The following VEZT variants were observed in gnomAD, a reference collection of about 807,000 sequenced individuals.
VEZT encodes the protein vezatin, adherens junctions transmembrane protein.
In VEZT, 39 loss-of-function variants were observed where a neutral mutation model predicts 79.9. The ratio of observed to expected loss-of-function variants is 0.49; its 90% CI spans 0.38 to 0.64. The LOEUF is 0.64. VEZT is among the 30% of genes least tolerant of loss of function. The pLI is 0.00. For missense variants in VEZT, 837 were observed against 893.1 expected (o/e 0.94, Z 0.80); for synonymous variants, 325 against 327.6 (o/e 0.99, Z 0.09).
Position 95,262,964 on chromosome 12 carries a change from A to T in VEZT, c.317A>T (p.Gln106Leu). The part of the protein sequence containing the change: ...HTILQQEVLL[Q>L]EDVELIELLD... ...ATCCTGCAACAGGAAGTCCTGTTAC[A>T]AGAGGATGTGGAGCTGATTGAGCTA... The change falls in exon 4 of 12, where the codon CAA (glutamine) becomes CTA (leucine). Residue 106 changes from glutamine to leucine, a missense_variant. Gln to Leu is a moderately radical substitution (Grantham distance 113). Coordinates refer to ENST00000436874, the MANE Select transcript of VEZT (RefSeq NM_017599.4). 6.2e-7 allele frequency: 1 copy of T among 1,612,968 alleles called. No homozygotes were observed. The highest frequency in any genetic ancestry group is 8.5e-7 in the Non-Finnish European group (1 of 1,179,110).
At position 95,274,417 on chromosome 12, in the gene VEZT, G is replaced by A. The variant is rs147625297; in HGVS notation, c.849-325G>A. Among the ~76,000 whole-genome samples the A allele has an allele frequency of 6.7e-3, 1,018 of 152,238 alleles. 3 individuals carry two copies. The highest frequency in any genetic ancestry group is 0.014 in the Middle Eastern group (4 of 294). ...AAAGGCCGAGGTTGCAGTGAGCCGGGTTGGTGCCACTGCACTCCAGCCTGG... is the reference window on the plus strand; with the variant it reads ...AAAGGCCGAGGTTGCAGTGAGCCGGATTGGTGCCACTGCACTCCAGCCTGG... On this transcript the variant is annotated intron_variant, in intron 6 of 11. Transcript: ENST00000436874.
intron 11 of VEZT, among the ~76,000 whole-genome samples, chr12:95,297,708 T>A (rs1169259566): frequency 6.6e-6 from 1 of 152,248 alleles, no homozygotes; most frequent in East Asian, 1.9e-4. Flanking sequence ...TTTTCAAGTC[T>A]CTTCATCATA....
At chr12:95,240,022 AAGG>A (rs1248786896) in intron 1 of VEZT, among the ~76,000 whole-genome samples, 3 of 16,340 alleles carry the variant, frequency 1.8e-4, no homozygotes, top group Non-Finnish European at 3.3e-4. Flanking sequence ...GAGAGAAAGA[AAGG>A]AAGGAAGGAA....
At chr12:95,256,749 C>T in intron 2 of VEZT, 1 of 402,542 alleles carries the variant, frequency 2.5e-6, no homozygotes, top group Non-Finnish European at 4.4e-6. Context: ...TATTTGAGAA[C>T]TTGTAACCAC....
intron 1 of VEZT, among the ~76,000 whole-genome samples, chr12:95,221,429 G>A (rs1321171011): frequency 6.6e-6 from 1 of 152,082 alleles, no homozygotes; most frequent in Non-Finnish European, 1.5e-5. Context: ...GCTGGGCATG[G>A]TGGCATGCAC....
chr12:95,239,050 T>G (rs1223082313), intron 1 of VEZT, among the ~76,000 whole-genome samples: 1 of 152,218 alleles, frequency 6.6e-6, no homozygotes, highest in African/African-American at 2.4e-5. Context: ...TTGAAGGCTA[T>G]TCATACATAT....
chr12:95,235,186 C>T (rs1161433010), intron 1 of VEZT, among the ~76,000 whole-genome samples: 1 of 151,582 alleles, frequency 6.6e-6, no homozygotes, highest in African/African-American at 2.4e-5. Flanking sequence ...ACCTCCCAGA[C>T]GGGGTGGTGG....
chr12:95,257,830 T>C (rs192558103), intron 3 of VEZT, among the ~76,000 whole-genome samples: 2 of 152,342 alleles, frequency 1.3e-5, no homozygotes, highest in Admixed American at 1.3e-4. Context: ...CCTTAAGAAT[T>C]ATCATTCCTG....
chr12:95,269,871 T>C (rs2066259629), intron 5 of VEZT, 180 bp from the exon 6 acceptor site: 4 of 593,556 alleles, frequency 6.7e-6, no homozygotes, highest in Non-Finnish European at 8.5e-6. Flanking sequence ...TATATATATC[T>C]AGTCACAGAA....
intron 7 of VEZT, among the ~76,000 whole-genome samples, chr12:95,276,259 C>CTTTTTTTTTTTTTTTT (rs35034660): frequency 2.3e-4 from 17 of 75,142 alleles, no homozygotes; most frequent in African/African-American, 3.3e-4. Flanking sequence ...TAATTTTTTT[C>CTTTTTTTTTTTTTTTT]TTTTTTTTTT....
chr12:95,289,085 A>T (rs1425747903), intron 9 of VEZT, among the ~76,000 whole-genome samples: 8 of 87,228 alleles, frequency 9.2e-5, no homozygotes, highest in East Asian at 3.9e-4. Flanking sequence ...CCGTCTCAAA[A>T]AAAAAAATAA....
At chr12:95,263,772 C>T (rs2064985030) in intron 4 of VEZT, 1 of 152,100 alleles carries the variant, frequency 6.6e-6, no homozygotes, top group Non-Finnish European at 1.5e-5. Context: ...ATTGTAGAGA[C>T]ACCAAGAATA....
chr12:95,269,331 A>G (rs1240316616), intron 5 of VEZT, among the ~76,000 whole-genome samples: 1 of 152,144 alleles, frequency 6.6e-6, no homozygotes, highest in Non-Finnish European at 1.5e-5. Flanking sequence ...CTTCCTCTTG[A>G]ACAGCTTTGA....
intron 1 of VEZT, among the ~76,000 whole-genome samples, chr12:95,227,832 A>G (rs1311735064): frequency 6.6e-6 from 1 of 152,212 alleles, no homozygotes; most frequent in Non-Finnish European, 1.5e-5. Flanking sequence ...GTGCCTGGAA[A>G]TAAGACTTTT....
At chr12:95,218,871 G>A (rs1294316340) in intron 1 of VEZT, among the ~76,000 whole-genome samples, 1 of 152,228 alleles carries the variant, frequency 6.6e-6, no homozygotes. Context: ...ACCGGCAGGA[G>A]AAAATGTATT....
At chr12:95,276,268 T>C (rs1242518048) in intron 7 of VEZT, among the ~76,000 whole-genome samples, 92 of 130,704 alleles carry the variant, frequency 7.0e-4, no homozygotes, top group African/African-American at 2.4e-3. Flanking sequence ...TCTTTTTTTT[T>C]TTTTTTTTTT....
In VEZT at chr12:95,302,542, A is replaced by G. The variant is rs1440659594; in HGVS notation, c.*1869A>G. On this transcript the variant is annotated 3_prime_UTR_variant, in exon 12 of 12. Coordinates refer to ENST00000436874, the MANE Select transcript of VEZT (RefSeq NM_017599.4). ...GTATTTGTTCTTTTGTGTAGTTTCCATCTTTTAAAATATTTAAAATATTTT... is the reference window on the plus strand; with the variant it reads ...GTATTTGTTCTTTTGTGTAGTTTCCGTCTTTTAAAATATTTAAAATATTTT... The G allele has an allele frequency of 5.9e-5, 9 of 152,248 alleles. No individual in the cohort carries two copies. The East Asian group carries it at 9.6e-4, about 16-fold the overall frequency. 9.4% of individuals were successfully genotyped at this position (152,248 alleles called of 1,614,324 possible).
At position 95,300,553 on chromosome 12, in the gene VEZT, C is replaced by T; in HGVS notation, c.2220C>T (p.Gly740=). ...CACCAGATTTTACCTTCACTGCTGG[C>T]CTTGCTGCAGAAGTGGCTGCTAGAT... ...QLSPDFTFTA[G]LAAEVAARSL... The change falls in exon 12 of 12, where the codon GGC becomes GGT. Residue 740 remains glycine (G), a synonymous_variant. Coordinates refer to ENST00000436874, the MANE Select transcript of VEZT (RefSeq NM_017599.4). 6.2e-7 allele frequency: 1 copy of T among 1,613,922 alleles called. No homozygotes were observed. The highest frequency in any genetic ancestry group is 8.5e-7 in the Non-Finnish European group (1 of 1,179,880).
chr12:95,246,385 A>AGTGCT (rs2061723694), intron 1 of VEZT, among the ~76,000 whole-genome samples: 1 of 152,126 alleles, frequency 6.6e-6, no homozygotes, highest in African/African-American at 2.4e-5. Context: ...GGCCTCCCAA[A>AGTGCT]GTGCTGGGAT....
Sources: gnomAD v4.1 joint callset for allele counts (sites outside exome capture counted in the v4.1 genomes callset) on GRCh38, gnomAD v4.1.1 for gene constraint, MANE v1.5 for transcripts, NCBI Gene and HGNC (gene_info 2026-07-23, HGNC 2026-07-21) for gene names.